The following TTC7A variants were observed in gnomAD, a reference collection of about 807,000 sequenced individuals.
TTC7A encodes the protein tetratricopeptide repeat domain 7A, also known as tetratricopeptide repeat protein 7A.
Under a neutral mutation model 103.7 loss-of-function variants are expected in TTC7A, and 110 were observed. That is an observed-to-expected ratio of 1.06 (90% CI 0.91 to 1.24). The LOEUF (loss-of-function observed/expected upper bound fraction) is 1.24. Ranked by LOEUF, TTC7A falls within the 50% of genes most tolerant of loss-of-function variation. The pLI, the probability that TTC7A is intolerant of heterozygous loss-of-function variation, is 0.00. For missense variants in TTC7A, 1,340 were observed against 1,116.3 expected, an observed-to-expected ratio of 1.20 and a Z score of -2.86; for synonymous variants, 521 against 467.9, an observed-to-expected ratio of 1.11 and a Z score of -1.47.
intron 3 of TTC7A, among the ~76,000 whole-genome samples, chr2:46,968,779 A>G (rs1470460834): frequency 6.6e-6 from 1 of 152,300 alleles, no homozygotes; most frequent in Admixed American, 6.5e-5. Flanking sequence ...ACATGTACAA[A>G]TCTTAACTGT....
intron 5 of TTC7A, among the ~76,000 whole-genome samples, chr2:46,981,988 G>A (rs905896844): frequency 2.0e-5 from 3 of 152,240 alleles, no homozygotes; most frequent in Non-Finnish European, 4.4e-5. Context: ...TGACCCAGGG[G>A]AGGCCTGTGC....
intron 2 of TTC7A, among the ~76,000 whole-genome samples, chr2:46,921,913 C>T (rs540418758): frequency 1.7e-4 from 26 of 152,310 alleles, no homozygotes; most frequent in African/African-American, 6.0e-4. Context: ...AATGCTCACT[C>T]GCCCACCCAG....
At chr2:46,959,282 T>C (rs1261879827) in intron 3 of TTC7A, among the ~76,000 whole-genome samples, 3 of 152,228 alleles carry the variant, frequency 2.0e-5, no homozygotes, top group Non-Finnish European at 4.4e-5. Flanking sequence ...CCCCTCGGTC[T>C]TGGGCTCCGT....
chr2:46,951,088 T>C (rs1014586245), intron 2 of TTC7A, among the ~76,000 whole-genome samples: 1 of 151,768 alleles, frequency 6.6e-6, no homozygotes, highest in African/African-American at 2.4e-5. Flanking sequence ...ACATGCAGAG[T>C]TGGCTAGGGA....
chr2:47,011,282 G>C (rs1447332713), intron 10 of TTC7A, 49 bp from the exon 11 acceptor site: 2 of 1,557,792 alleles, frequency 1.3e-6, no homozygotes, highest in Non-Finnish European at 8.8e-7. Flanking sequence ...GTGGGCCCTT[G>C]AGATCCAGGA....
In TTC7A at chr2:46,994,512, C is replaced by T. The variant is rs775436064; in HGVS notation, c.999C>T (p.Asp333=). 1.2e-6 allele frequency: 2 copies of T among 1,613,764 alleles called. No homozygotes were observed. The highest frequency in any genetic ancestry group is 2.2e-5 in the South Asian group (2 of 91,032). ...ALRKPHLYEG[D]NLYCPKDNIE... ...GGAAACCTCACCTCTATGAAGGAGA[C>T]AAGTAAGTTCTGCCTGCCCTGCTGC... is the stretch of plus-strand genomic sequence containing the variant. The change falls in exon 7 of 20, where the codon GAC becomes GAT. Residue 333 remains aspartate, a splice_region_variant and synonymous_variant. Coordinates refer to ENST00000319190, the MANE Select transcript of TTC7A (RefSeq NM_020458.4).
chr2:47,073,760 C>G lies in TTC7A; in HGVS notation c.2414C>G (p.Ala805Gly). 6.2e-7 allele frequency: 1 copy of G among 1,613,834 alleles called. No homozygotes were observed. The highest frequency in any genetic ancestry group is 8.5e-7 in the Non-Finnish European group (1 of 1,180,034). The change falls in exon 20 of 20, where the codon GCC (alanine) becomes GGC (glycine). Residue 805 changes from alanine (A) to glycine (G), a missense_variant. Transcript: ENST00000319190. ...KSLAQKVLRD[A>G]VERQSTCHEA... ...TTGGCCCAGAAGGTGCTTCGTGATG[C>G]CGTGGAGAGGCAGAGTACGTGCCAC...
At chr2:46,935,792 C>A (rs1669947854) in intron 2 of TTC7A, among the ~76,000 whole-genome samples, 2 of 152,158 alleles carry the variant, frequency 1.3e-5, no homozygotes, top group African/African-American at 2.4e-5. Flanking sequence ...GCTCCAATTT[C>A]TTTTTTTAAT....
chr2:47,011,290 G>A (rs1046230816), intron 10 of TTC7A, 41 bp from the exon 11 acceptor site: 1 of 1,581,790 alleles, frequency 6.3e-7, no homozygotes, highest in African/African-American at 1.3e-5. Context: ...TTGAGATCCA[G>A]GACTGTGAGT....
At chr2:47,015,782 C>T (rs1361544644) in intron 11 of TTC7A, among the ~76,000 whole-genome samples, 1 of 152,064 alleles carries the variant, frequency 6.6e-6, no homozygotes, top group African/African-American at 2.4e-5. Flanking sequence ...GTGGGCAGAG[C>T]CAGGAAGATG....
rs554079599 is a variant in TTC7A at position 46,992,735 on chromosome 2, A to G, written c.765-715A>G. ...GCCTGTTAGTGGGAATGCAAGATCTATTTAGTGGGCTGCAGCCAGCATGTT... is the reference window on the plus strand; with the variant it reads ...GCCTGTTAGTGGGAATGCAAGATCTGTTTAGTGGGCTGCAGCCAGCATGTT... On this transcript the variant is annotated intron_variant, in intron 5 of 19. Transcript: ENST00000319190. Among the ~76,000 whole-genome samples the G allele has an allele frequency of 2.6e-5, 4 of 152,350 alleles. No individual in the cohort carries two copies. In the East Asian group the frequency reaches 5.8e-4, roughly 22 times the overall value.
chr2:46,954,841 G>A (rs531608588), intron 2 of TTC7A, among the ~76,000 whole-genome samples: 11 of 152,250 alleles, frequency 7.2e-5, no homozygotes, highest in Non-Finnish European at 1.3e-4. Context: ...AAAGTGCTGG[G>A]ATTACAGGCG....
At chr2:46,972,779 C>G (rs1473582762) in intron 3 of TTC7A, among the ~76,000 whole-genome samples, 1 of 152,182 alleles carries the variant, frequency 6.6e-6, no homozygotes, top group Non-Finnish European at 1.5e-5. Flanking sequence ...TGCTGCATAA[C>G]TCGAGCACCT....
intron 15 of TTC7A, among the ~76,000 whole-genome samples, chr2:47,035,910 A>C (rs908143070): frequency 5.3e-5 from 8 of 152,210 alleles, no homozygotes; most frequent in African/African-American, 1.7e-4. Flanking sequence ...GGTCTGACAC[A>C]GGGCAGAGAG....
chr2:46,993,383 G>A, intron 5 of TTC7A, 67 bp from the exon 6 acceptor site: 1 of 1,489,234 alleles, frequency 6.7e-7, no homozygotes, highest in Non-Finnish European at 9.4e-7. Context: ...GTCTGCTGGT[G>A]TGCTGAGAGC....
At chr2:47,024,532 G>A (rs1332060232) in intron 14 of TTC7A, among the ~76,000 whole-genome samples, 173 bp downstream of exon 14, 1 of 152,142 alleles carries the variant, frequency 6.6e-6, no homozygotes, top group Non-Finnish European at 1.5e-5. Flanking sequence ...GTAAGGATGA[G>A]GTCAGGTAAT....
chr2:47,051,167 T>A (rs189721862), intron 17 of TTC7A, among the ~76,000 whole-genome samples: 1 of 152,284 alleles, frequency 6.6e-6, no homozygotes, highest in East Asian at 1.9e-4. Context: ...AAACAGAAGG[T>A]GAAAATAGCC....
chr2:47,027,952 C>A (rs1305205254), intron 14 of TTC7A, among the ~76,000 whole-genome samples: 1 of 152,210 alleles, frequency 6.6e-6, no homozygotes, highest in South Asian at 2.1e-4. Flanking sequence ...ATTCCCCAGA[C>A]CCTGTCAGGA....
At chr2:47,030,759 AG>A (rs1282985183) in intron 15 of TTC7A, among the ~76,000 whole-genome samples, 5 of 152,164 alleles carry the variant, frequency 3.3e-5, no homozygotes, top group African/African-American at 9.7e-5. Flanking sequence ...GCTCACAGCC[AG>A]GTGTAAGCAG....
Sources: gnomAD v4.1 joint callset for allele counts (sites outside exome capture counted in the v4.1 genomes callset) on GRCh38, gnomAD v4.1.1 for gene constraint, MANE v1.5 for transcripts, NCBI Gene and HGNC (gene_info 2026-07-23, HGNC 2026-07-21) for gene names.